Variants in RO60 observed in about 807,000 individuals in gnomAD.
RO60 encodes RNA-binding protein RO60.
Under a neutral mutation model 55.3 loss-of-function variants are expected in RO60, and 20 were observed. That is an observed-to-expected ratio of 0.36 (90% CI 0.25 to 0.53). RO60 has a LOEUF of 0.53. Ranked by LOEUF, RO60 falls within the 20% of genes least tolerant of loss-of-function variation. The pLI is 0.92. For synonymous variants in RO60, 213 were observed against 213.6 expected (o/e 1.00, Z 0.02); for missense variants, 558 against 646.6 (o/e 0.86, Z 1.49).
In RO60 at chr1:193,085,148, G is replaced by C; in HGVS notation, c.*417G>C. ...AGCTTTGATAATGTCCAAATACTCT[G>C]AAATGCACTAGACCATATAACTGTG... On this transcript the variant is annotated 3_prime_UTR_variant, in exon 9 of 9. Transcript: ENST00000400968. 1.5e-6 allele frequency: 2 copies of C among 1,373,000 alleles called. No individual in the cohort carries two copies. The highest frequency in any genetic ancestry group is 1.9e-6 in the Non-Finnish European group (2 of 1,061,646). 85.1% of individuals were successfully genotyped at this position (1,373,000 alleles called of 1,614,324 possible).
rs1299556088 is a variant in RO60, at chr1:193,069,434, C to T, written c.380C>T (p.Thr127Ile). ...TGTCGCATTCCTACCCATCTCTTTA[C>T]TTTTATCCAGTTTAAGAAAGATCTG... ...EVCRIPTHLFTFIQFKKDLKE... is the reference protein window; with the variant it reads ...EVCRIPTHLFIFIQFKKDLKE... Residue 127 changes from threonine to isoleucine, a missense_variant, in exon 2 of 9, where the codon ACT becomes ATT. Coordinates refer to ENST00000400968, the MANE Select transcript of RO60 (RefSeq NM_001173524.2). 1 of 1,614,222 alleles carries T rather than the reference C, an allele frequency of 6.2e-7. No homozygotes were observed. The highest frequency in any genetic ancestry group is 2.2e-5 in the East Asian group (1 of 44,892).
At position 193,076,104 on chromosome 1, in the gene RO60, G is replaced by C. The variant is rs559007379; in HGVS notation, c.801+64G>C. ...AGTAATTTAGTGTAGGTGCTAAAAG[G>C]ATAAACTTGGGGTAGCTATATATTT... On this transcript the variant is annotated intron_variant, in intron 3 of 8. Coordinates refer to ENST00000400968, the MANE Select transcript of RO60 (RefSeq NM_001173524.2). 2.2e-4 allele frequency: 235 copies of C among 1,064,670 alleles called. 1 individual carries two copies. The African/African-American group carries it at 3.5e-3, about 16-fold the overall frequency. 66.0% of individuals were successfully genotyped at this position (1,064,670 alleles called of 1,614,324 possible). A position where few individuals can be genotyped will look rare whatever the true frequency, so the allele number is the denominator to read the frequency against.
chr1:193,081,385 C>G lies in RO60; in HGVS notation c.1108C>G (p.Arg370Gly). The G allele has an allele frequency of 6.2e-7, 1 of 1,604,588 alleles. No homozygotes were observed. The highest frequency in any genetic ancestry group is 8.5e-7 in the Non-Finnish European group (1 of 1,173,746). Residue 370 changes from arginine (R) to glycine (G), a missense_variant, in exon 6 of 9, where the codon CGT becomes GGT. Coordinates refer to ENST00000400968, the MANE Select transcript of RO60 (RefSeq NM_001173524.2). The stretch of plus-strand genomic sequence containing the variant: ...GTAGACAGTTGAACCAACTGGAAAA[C>G]GTTTCTTACTAGCTGTTGATGTCAG... ...TFKTVEPTGK[R>G]FLLAVDVSAS...
rs774116140 is a variant in RO60 at position 193,059,910 on chromosome 1, C to G, written c.-22+134C>G. 2.9e-6 allele frequency: 4 copies of G among 1,365,828 alleles called. No homozygotes were observed. Among genetic ancestry groups the G allele is most frequent in the Admixed American group, 1.9e-5 (1 of 52,484 alleles). The allele number at this position is 1,365,828 out of a possible 1,614,324, so 84.6% of individuals were successfully genotyped here. A position where few individuals can be genotyped will look rare whatever the true frequency, so the allele number is the denominator to read the frequency against. ...GGGCAAACGCCGCGAAACTATCGCT[C>G]TTCCCCGTCCCGCTTCCGCGCCTGT... On this transcript the variant is annotated intron_variant, in intron 1 of 8. Transcript: ENST00000400968. The surrounding 1 kb of genome is among the most constrained non-coding windows in gnomAD (Gnocchi z 4.9).
At chr1:193,081,310 AGTCT>A in intron 5 of RO60, 50 bp from the exon 6 acceptor site, 4 of 998,084 alleles carry the variant, frequency 4.0e-6, no homozygotes, top group Non-Finnish European at 6.1e-6. Flanking sequence ...TTAGAAATTT[AGTCT>A]ACTTATAATT....
At chr1:193,091,724 G>C, downstream of RO60, 1 of 1,560,158 alleles carries the variant, frequency 6.4e-7, no homozygotes, top group Non-Finnish European at 8.8e-7. Context: ...ACTGTTTTTG[G>C]TCAGTTATTG....
intron 1 of RO60, among the ~76,000 whole-genome samples, chr1:193,064,800 T>G (rs1048795630): frequency 3.3e-5 from 5 of 152,186 alleles, no homozygotes; most frequent in Non-Finnish European, 7.4e-5. Context: ...GTAACTTTAT[T>G]TCTTCTAATA....
chr1:193,059,699 T>C lies in RO60; in HGVS notation c.-99T>C. ...GCTGTCGCTGCCCGTCAGGCTGCCT[T>C]CTTTTGTCGTTTCCCAGCGCTGCGC... On this transcript the variant is annotated 5_prime_UTR_variant, in exon 1 of 9. Coordinates refer to ENST00000400968, the MANE Select transcript of RO60 (RefSeq NM_001173524.2). This position sits in a 1 kb window ranked among gnomAD's most constrained non-coding sequence, Gnocchi z 4.9. The C allele has an allele frequency of 7.4e-7, 1 of 1,357,244 alleles. No homozygotes were observed. The highest frequency in any genetic ancestry group is 9.8e-7 in the Non-Finnish European group (1 of 1,018,798). The allele number at this position is 1,357,244 out of a possible 1,614,324, so 84.1% of individuals were successfully genotyped here. A position where few individuals can be genotyped will look rare whatever the true frequency, so the allele number is the denominator to read the frequency against.
In RO60 at chr1:193,081,379, G is replaced by A; in HGVS notation, c.1102G>A (p.Gly368Arg). The A allele has an allele frequency of 6.2e-7, 1 of 1,602,832 alleles. No homozygotes were observed. ...YKTFKTVEPT[G>R]KRFLLAVDVS... ...TTCTCTGTAGACAGTTGAACCAACT[G>A]GAAAACGTTTCTTACTAGCTGTTGA... Residue 368 changes from glycine (G) to arginine (R), a missense_variant, in exon 6 of 9, where the codon GGA (glycine) becomes AGA (arginine). Coordinates refer to ENST00000400968, the MANE Select transcript of RO60 (RefSeq NM_001173524.2).
At chr1:193,068,322 GA>G (rs945669244) in intron 1 of RO60, among the ~76,000 whole-genome samples, 1 of 152,182 alleles carries the variant, frequency 6.6e-6, no homozygotes, top group Non-Finnish European at 1.5e-5. Flanking sequence ...TGAGAGGGCT[GA>G]CCCACCAATC....
rs1672449186 is a variant in RO60, at chr1:193,060,232, T to C, written c.-22+456T>C. On this transcript the variant is annotated intron_variant, in intron 1 of 8. Coordinates refer to ENST00000400968, the MANE Select transcript of RO60 (RefSeq NM_001173524.2). ...GAGGGAGAGGAGAAAGGTTTGTCCA[T>C]GGGGCTGCTAGACTAGTGGAAGGGG... 6 of 653,914 alleles carry C rather than the reference T, an allele frequency of 9.2e-6. No homozygotes were observed. The South Asian group carries it at 1.2e-4, about 13-fold the overall frequency. 40.5% of individuals were successfully genotyped at this position (653,914 alleles called of 1,614,324 possible). A position where few individuals can be genotyped will look rare whatever the true frequency, so the allele number is the denominator to read the frequency against.
chr1:193,077,325 A>C (rs1033791876), intron 5 of RO60, among the ~76,000 whole-genome samples: 11 of 152,250 alleles, frequency 7.2e-5, no homozygotes, highest in Admixed American at 7.2e-4. Flanking sequence ...CAGTGCTATA[A>C]AGAAATACCT....
At chr1:193,061,690 T>C (rs1375047110) in intron 1 of RO60, among the ~76,000 whole-genome samples, 2 of 152,218 alleles carry the variant, frequency 1.3e-5, no homozygotes, top group South Asian at 2.1e-4. Context: ...CAATTTAATA[T>C]GCGGCCATGC....
chr1:193,088,846 T>G lies in RO60; in HGVS notation c.*4115T>G, dbSNP rs1370828147. 1.3e-5 allele frequency: 2 copies of G among 152,236 alleles called. No individual in the cohort carries two copies. Among genetic ancestry groups the G allele is most frequent in the African/African-American group, 4.8e-5 (2 of 41,470 alleles). The allele number at this position is 152,236 out of a possible 1,614,324, so 9.4% of individuals were successfully genotyped here. A position where few individuals can be genotyped will look rare whatever the true frequency, so the allele number is the denominator to read the frequency against. ...GATGTCTGTTTCCTCATCTCTTATT[T>G]GTTGGAAGATTACTTTTCTACCTCT... is the stretch of plus-strand genomic sequence containing the variant. On this transcript the variant is annotated 3_prime_UTR_variant, in exon 9 of 9. Transcript: ENST00000400968.
At chr1:193,064,308 T>G (rs770736031) in intron 1 of RO60, among the ~76,000 whole-genome samples, 1 of 152,214 alleles carries the variant, frequency 6.6e-6, no homozygotes, top group Non-Finnish European at 1.5e-5. Context: ...TAGTTGGTCT[T>G]TCTAGTGATT....
rs1365795783 is a variant in RO60 at position 193,059,888 on chromosome 1, C to T, written c.-22+112C>T. The T allele has an allele frequency of 2.9e-6, 4 of 1,365,244 alleles. No individual in the cohort carries two copies. Among genetic ancestry groups the T allele is most frequent in the Admixed American group, 3.8e-5 (2 of 52,420 alleles). The allele number at this position is 1,365,244 out of a possible 1,614,324, so 84.6% of individuals were successfully genotyped here. A position where few individuals can be genotyped will look rare whatever the true frequency, so the allele number is the denominator to read the frequency against. On this transcript the variant is annotated intron_variant, in intron 1 of 8. Coordinates refer to ENST00000400968, the MANE Select transcript of RO60 (RefSeq NM_001173524.2). This position sits in a 1 kb window ranked among gnomAD's most constrained non-coding sequence, Gnocchi z 4.9. The stretch of plus-strand genomic sequence containing the variant: ...CCGCATCCCAGGGGTTGAGGCTGGG[C>T]AAACGCCGCGAAACTATCGCTCTTC...
In RO60 at chr1:193,069,884, C is replaced by T. The variant is rs553552206; in HGVS notation, c.580+250C>T. On this transcript the variant is annotated intron_variant, in intron 2 of 8. Transcript: ENST00000400968. ...AATATTCTGAATCTTAAAATGCCAC[C>T]GTCCTAACTGGAATGCTCACCCAAG... 2.0e-4 allele frequency among the ~76,000 whole-genome samples: 31 copies of T among 152,186 alleles called. No individual in the cohort carries two copies. In the South Asian group the frequency reaches 3.7e-3, roughly 18 times the overall value.
chr1:193,071,883 GTA>G (rs1673541594), intron 2 of RO60, among the ~76,000 whole-genome samples: 2 of 149,378 alleles, frequency 1.3e-5, no homozygotes, highest in African/African-American at 4.9e-5. Context: ...TAATATATAT[GTA>G]TGTGTGTGTA....
intron 2 of RO60, among the ~76,000 whole-genome samples, chr1:193,075,198 A>G (rs1673822290): frequency 6.6e-6 from 1 of 152,142 alleles, no homozygotes; most frequent in Non-Finnish European, 1.5e-5. Flanking sequence ...AGTATAGGCT[A>G]GAACCCAGAC....
Sources: allele counts gnomAD v4.1 joint callset (sites outside exome capture counted in the v4.1 genomes callset), GRCh38; gene constraint gnomAD v4.1.1; non-coding constraint Gnocchi (gnomAD v3.1); transcripts MANE v1.5; gene names NCBI Gene and HGNC (gene_info 2026-07-23, HGNC 2026-07-21).